SLC20A2: variants seen among roughly 807,000 people sequenced by gnomAD.
SLC20A2 encodes sodium-dependent phosphate transporter 2.
In SLC20A2, 30 loss-of-function variants were observed where a neutral mutation model predicts 61.0. That is an observed-to-expected ratio of 0.49 (90% confidence interval 0.37 to 0.67). The LOEUF is 0.67. Ranked by LOEUF, SLC20A2 falls within the 30% of genes least tolerant of loss-of-function variation. The pLI, the probability that SLC20A2 is intolerant of heterozygous loss-of-function variation, is 0.00. For missense variants in SLC20A2, 626 were observed against 866.4 expected (o/e 0.72, Z 3.48); for synonymous variants, 351 against 353.3 (o/e 0.99, Z 0.07).
intron 9 of SLC20A2, among the ~76,000 whole-genome samples, 161 bp downstream of exon 9, chr8:42,429,903 G>A (rs569935498): frequency 1.3e-5 from 2 of 152,322 alleles, no homozygotes; most frequent in African/African-American, 4.8e-5. Context: ...GGCAAGGATA[G>A]GTGGCATGCT....
In SLC20A2 at chr8:42,417,859, G is replaced by A; in HGVS notation, c.1903C>T (p.Leu635=). The A allele has an allele frequency of 6.2e-7, 1 of 1,614,018 alleles. No homozygotes were observed. ...AGAGCCATGACAGCAGCGCTGAACA[G>A]CCCAGCCACAGGGACGGTCACGAAC... ...AWFVTVPVAG[L]FSAAVMALLM... is the part of the protein sequence containing the mutation. The change falls in exon 11 of 11, where the codon CTG becomes TTG. Residue 635 remains leucine, a synonymous_variant. Coordinates refer to ENST00000520262, the MANE Select transcript of SLC20A2 (RefSeq NM_001257180.2).
chr8:42,529,302 A>G (rs753430783), intron 1 of SLC20A2, among the ~76,000 whole-genome samples: 11 of 152,180 alleles, frequency 7.2e-5, no homozygotes, highest in Non-Finnish European at 1.6e-4. Context: ...AATAAATAAG[A>G]AATTTTAAAA....
At chr8:42,468,454 G>A (rs571295063) in intron 2 of SLC20A2, among the ~76,000 whole-genome samples, 2 of 152,272 alleles carry the variant, frequency 1.3e-5, no homozygotes, top group East Asian at 3.9e-4. Context: ...GGAGGGCCTG[G>A]TGGGGCCAGG....
At chr8:42,520,653 G>C (rs1291233101) in intron 1 of SLC20A2, among the ~76,000 whole-genome samples, 2 of 116,858 alleles carry the variant, frequency 1.7e-5, no homozygotes, top group African/African-American at 5.2e-5. Flanking sequence ...GTGAACCCGG[G>C]AGGCGGAGCT....
chr8:42,497,854 C>T (rs890858920), intron 1 of SLC20A2, among the ~76,000 whole-genome samples: 1 of 152,032 alleles, frequency 6.6e-6, no homozygotes, highest in African/African-American at 2.4e-5. Flanking sequence ...ACGCAGGCCG[C>T]TCATGTTATT....
intron 1 of SLC20A2, among the ~76,000 whole-genome samples, chr8:42,518,714 T>G (rs2131394227): frequency 6.6e-6 from 1 of 152,336 alleles, no homozygotes; most frequent in African/African-American, 2.4e-5. Context: ...CTGTCAGTAC[T>G]CAAGATGGCT....
At chr8:42,448,414 C>T (rs1169306544) in intron 5 of SLC20A2, among the ~76,000 whole-genome samples, 1 of 152,168 alleles carries the variant, frequency 6.6e-6, no homozygotes, top group Non-Finnish European at 1.5e-5. Flanking sequence ...TCAAGAAGGG[C>T]TACTTGATGG....
chr8:42,536,289 C>G (rs776826807), intron 1 of SLC20A2: 6 of 152,190 alleles, frequency 3.9e-5, no homozygotes, highest in African/African-American at 1.4e-4. Flanking sequence ...TCTGAAGCTA[C>G]CCCCAAGATA....
intron 5 of SLC20A2, among the ~76,000 whole-genome samples, chr8:42,455,828 G>A (rs1437796449): frequency 2.0e-5 from 3 of 152,122 alleles, no homozygotes; most frequent in Non-Finnish European, 4.4e-5. Context: ...CATCCTATTA[G>A]TTACAGGACC....
At chr8:42,424,506 A>C (rs1803262995) in intron 10 of SLC20A2, among the ~76,000 whole-genome samples, 1 of 152,192 alleles carries the variant, frequency 6.6e-6, no homozygotes, top group Non-Finnish European at 1.5e-5. Context: ...CCCTACTCAA[A>C]GGTATTATTC....
intron 6 of SLC20A2, among the ~76,000 whole-genome samples, chr8:42,441,354 A>G (rs147758986): frequency 0.014 from 2,156 of 151,256 alleles, 18 homozygotes; most frequent in Middle Eastern, 0.038. Flanking sequence ...GGGTTTCACC[A>G]TGTTGGCCAA....
At chr8:42,451,934 G>A (rs1408608373) in intron 5 of SLC20A2, among the ~76,000 whole-genome samples, 1 of 122,720 alleles carries the variant, frequency 8.1e-6, no homozygotes, top group Admixed American at 8.0e-5. Context: ...GAGATGAAGA[G>A]GAGGAGGAGG....
At chr8:42,517,854 A>G (rs75665729) in intron 1 of SLC20A2, among the ~76,000 whole-genome samples, 2,439 of 152,356 alleles carry the variant, frequency 0.016, 59 homozygotes, top group African/African-American at 0.055. Flanking sequence ...ATCATGGATT[A>G]TAAGAATACT....
chr8:42,491,743 AC>A (rs1173363085), intron 1 of SLC20A2, among the ~76,000 whole-genome samples: 1 of 152,088 alleles, frequency 6.6e-6, no homozygotes, highest in African/African-American at 2.4e-5. Flanking sequence ...AGTCTCAGAA[AC>A]CCTTTTTATC....
intron 1 of SLC20A2, among the ~76,000 whole-genome samples, chr8:42,474,289 A>C (rs1206584788): frequency 6.6e-6 from 1 of 152,236 alleles, no homozygotes; most frequent in Non-Finnish European, 1.5e-5. Flanking sequence ...CAAACTGTAT[A>C]CTGTGGTTAC....
At chr8:42,499,806 T>G (rs1024866422) in intron 1 of SLC20A2, among the ~76,000 whole-genome samples, 2 of 152,220 alleles carry the variant, frequency 1.3e-5, no homozygotes, top group Admixed American at 6.5e-5. Flanking sequence ...AGGCTTCTGT[T>G]ATCATTATAA....
intron 1 of SLC20A2, among the ~76,000 whole-genome samples, chr8:42,494,076 A>C (rs750798744): frequency 2.0e-5 from 3 of 152,168 alleles, no homozygotes; most frequent in Non-Finnish European, 2.9e-5. Flanking sequence ...TGGGGGAGTC[A>C]AGGTTGCTGT....
chr8:42,472,476 G>T lies in SLC20A2; in HGVS notation c.-86C>A. 1 of 1,254,036 alleles carries T rather than the reference G, an allele frequency of 8.0e-7. No individual in the cohort carries two copies. The highest frequency in any genetic ancestry group is 1.1e-6 in the Non-Finnish European group (1 of 900,242). 77.7% of individuals were successfully genotyped at this position (1,254,036 alleles called of 1,614,324 possible). A position where few individuals can be genotyped will look rare whatever the true frequency, so the allele number is the denominator to read the frequency against. ...GAGGTTATAAACTTCGTAAGGCCAA[G>T]AGTTCTTGTAAACAGTGAGTTTGCT... On this transcript the variant is annotated 5_prime_UTR_variant, in exon 2 of 11. Transcript: ENST00000520262. The surrounding 1 kb of genome is among the most constrained non-coding windows in gnomAD (Gnocchi z 4.1).
At chr8:42,426,613 T>C (rs1803431134) in intron 10 of SLC20A2, among the ~76,000 whole-genome samples, 1 of 152,142 alleles carries the variant, frequency 6.6e-6, no homozygotes, top group Admixed American at 6.5e-5. Flanking sequence ...GAGAACTGCT[T>C]GAACTCAGGA....
Sources: allele counts gnomAD v4.1 joint callset (sites outside exome capture counted in the v4.1 genomes callset), GRCh38; gene constraint gnomAD v4.1.1; non-coding constraint Gnocchi (gnomAD v3.1); transcripts MANE v1.5; gene names NCBI Gene and HGNC (gene_info 2026-07-23, HGNC 2026-07-21).